Variants in RADIL observed in about 807,000 individuals in gnomAD.
RADIL encodes the protein Rap associating with DIL domain, also known as ras-associating and dilute domain-containing protein.
Under a neutral mutation model 97.6 loss-of-function variants are expected in RADIL, and 99 were observed. The ratio of observed to expected loss-of-function variants is 1.01; its 90% confidence interval spans 0.86 to 1.20. The LOEUF (loss-of-function observed/expected upper bound fraction) is 1.20. Ranked by LOEUF, RADIL falls within the 50% of genes most tolerant of loss-of-function variation. The pLI is 0.00. For missense variants in RADIL, 1,765 were observed against 1,498.9 expected (o/e 1.18, Z -2.93); for synonymous variants, 803 against 691.8 (o/e 1.16, Z -2.52).
At chr7:4,802,668 G>A (rs1455250925) in intron 11 of RADIL, among the ~76,000 whole-genome samples, 78 of 105,424 alleles carry the variant, frequency 7.4e-4, no homozygotes, top group African/African-American at 2.9e-3. Context: ...TGGCTGGGGG[G>A]CCCCCTCCCC....
chr7:4,865,381 C>A, intron 2 of RADIL: 4 of 592,172 alleles, frequency 6.8e-6, no homozygotes, highest in Non-Finnish European at 3.1e-6. Context: ...TGTTGTTGTT[C>A]CCAAGTTTTA....
chr7:4,831,052 G>A (rs956431388), intron 5 of RADIL, among the ~76,000 whole-genome samples: 4 of 151,478 alleles, frequency 2.6e-5, no homozygotes, highest in Non-Finnish European at 4.4e-5. Context: ...TCAGCTGGGC[G>A]TGGTGGTGCA....
intron 2 of RADIL, among the ~76,000 whole-genome samples, chr7:4,847,737 T>G (rs1367223457): frequency 7.0e-5 from 1 of 14,202 alleles, no homozygotes; most frequent in African/African-American, 4.1e-4. Flanking sequence ...AAAAGCTAGA[T>G]GCAAAAAAAA....
chr7:4,877,889 G>A lies in RADIL; in HGVS notation c.251C>T (p.Thr84Ile). The change falls in exon 2 of 15, where the codon ACC becomes ATC. Residue 84 changes from threonine to isoleucine, a missense_variant. Coordinates refer to ENST00000399583, the MANE Select transcript of RADIL (RefSeq NM_018059.5). ...CAGCTCACGGGCGCTGGAGGTGCCG[G>A]TGGCCAGGACGCTCTTGTAGTGGGT... ...TGTHYKSVLA[T>I]GTSSARELVK... 6.2e-7 allele frequency: 1 copy of A among 1,605,472 alleles called. No homozygotes were observed. Among genetic ancestry groups the A allele is most frequent in the Non-Finnish European group, 8.5e-7 (1 of 1,179,970 alleles).
At position 4,823,566 on chromosome 7, in the gene RADIL, G is replaced by C. The variant is rs532404917; in HGVS notation, c.1455-1012C>G. On this transcript the variant is annotated intron_variant, in intron 5 of 14. Coordinates refer to ENST00000399583, the MANE Select transcript of RADIL (RefSeq NM_018059.5). ...GCCAGCCCAATGCAGGTAGGGGTTG[G>C]GGGGGCGCCCTTCCCTCCCAGGCCT... is the stretch of plus-strand genomic sequence containing the variant. Among the ~76,000 whole-genome samples the C allele has an allele frequency of 3.9e-3, 594 of 152,204 alleles. 4 individuals carry two copies. Among genetic ancestry groups the C allele is most frequent in the African/African-American group, 8.0e-3 (333 of 41,560 alleles).
chr7:4,870,871 G>A (rs1180990144), intron 2 of RADIL, among the ~76,000 whole-genome samples: 1 of 152,222 alleles, frequency 6.6e-6, no homozygotes, highest in Non-Finnish European at 1.5e-5. Context: ...CAGGGCAGGA[G>A]GGGGTGCTGC....
At chr7:4,855,659 C>G (rs951489628) in intron 2 of RADIL, among the ~76,000 whole-genome samples, 2 of 140,340 alleles carry the variant, frequency 1.4e-5, no homozygotes, top group Non-Finnish European at 3.1e-5. Flanking sequence ...AAATGCCTCT[C>G]TGGTCTCATA....
rs3816852 is a variant in RADIL at position 4,822,628 on chromosome 7, A to G, written c.1455-74T>C. 0.23 allele frequency: 343,790 copies of G among 1,511,588 alleles called. 47,281 individuals carry two copies. Among genetic ancestry groups the G allele is most frequent in the African/African-American group, 0.63 (45,256 of 72,226 alleles). The allele number at this position is 1,511,588 out of a possible 1,614,324, so 93.6% of individuals were successfully genotyped here. A position where few individuals can be genotyped will look rare whatever the true frequency, so the allele number is the denominator to read the frequency against. The stretch of plus-strand genomic sequence containing the variant: ...AGGCTGAATCTACCACTCTTTCTAC[A>G]TAAGGATGCGCGTTTTCATGGGACG... On this transcript the variant is annotated intron_variant, in intron 5 of 14. Transcript: ENST00000399583. The surrounding 1 kb of genome is among the most constrained non-coding windows in gnomAD (Gnocchi z 5.3).
At chr7:4,851,838 T>C (rs1411569237) in intron 2 of RADIL, among the ~76,000 whole-genome samples, 1 of 152,202 alleles carries the variant, frequency 6.6e-6, no homozygotes, top group Non-Finnish European at 1.5e-5. Context: ...AAATGGCTTC[T>C]GATGAGAGGC....
At chr7:4,800,098 C>CCAGGCTTGCATGAACAGGCGG in intron 13 of RADIL, 73 bp downstream of exon 13, 23 of 1,518,428 alleles carry the variant, frequency 1.5e-5, no homozygotes, top group Non-Finnish European at 1.9e-5. Flanking sequence ...ACGCAAGCTG[C>CCAGGCTTGCATGAACAGGCGG]GGCCAGGCTT....
Position 4,835,024 on chromosome 7 carries a change from C to T in RADIL, c.999G>A (p.Gly333=), listed in dbSNP as rs759877525. 23 of 1,610,966 alleles carry T rather than the reference C, an allele frequency of 1.4e-5. No individual in the cohort carries two copies. Among genetic ancestry groups the T allele is most frequent in the Non-Finnish European group, 1.8e-5 (21 of 1,179,124 alleles). ...AHISVNFSEV[G]HRTVVLHHGD... is the part of the protein sequence containing the mutation. ...CGTGGTGCAGCACCACGGTCCTGTG[C>T]CCCACCTCGGAGAAGTTGACGGAGA... is the stretch of plus-strand genomic sequence containing the variant. Residue 333 remains glycine, a synonymous_variant, in exon 4 of 15, where the codon GGG becomes GGA. Transcript: ENST00000399583. This position sits in a 1 kb window ranked among gnomAD's most constrained non-coding sequence, Gnocchi z 5.8.
rs558103433 is a variant in RADIL at position 4,832,185 on chromosome 7, T to A, written c.1417-7A>T. 27 of 1,610,818 alleles carry A rather than the reference T, an allele frequency of 1.7e-5. No homozygotes were observed. The South Asian group carries it at 2.2e-4, about 13-fold the overall frequency. ...CTAGTTCTTTGGTTTTCTCCTACAA[T>A]TACAAAGCGGGAGAAAAAGCAAGTG... On this transcript the variant is annotated splice_polypyrimidine_tract_variant and splice_region_variant and intron_variant, in intron 4 of 14. Coordinates refer to ENST00000399583, the MANE Select transcript of RADIL (RefSeq NM_018059.5).
At chr7:4,820,991 G>A (rs978505234) in intron 6 of RADIL, among the ~76,000 whole-genome samples, 2 of 152,174 alleles carry the variant, frequency 1.3e-5, no homozygotes, top group Non-Finnish European at 2.9e-5. Flanking sequence ...CTGGCCTTGT[G>A]TCCTCCGGGC....
chr7:4,822,882 T>C lies in RADIL; in HGVS notation c.1455-328A>G, dbSNP rs1366805691. ...AAAGTGGCTGTGAATGCTGAGAGAA[T>C]GTGTGCCAATATGTGTGTGTGTGCG... On this transcript the variant is annotated intron_variant, in intron 5 of 14. Transcript: ENST00000399583. This position sits in a 1 kb window ranked among gnomAD's most constrained non-coding sequence, Gnocchi z 5.3. Among the ~76,000 whole-genome samples, 1 of 151,980 alleles carries C rather than the reference T, an allele frequency of 6.6e-6. No homozygotes were observed.
At position 4,879,240 on chromosome 7, in the gene RADIL, G is replaced by A. The variant is rs1784435553; in HGVS notation, c.-64-1037C>T. ...ACGGGAAAACAGCCTGGGACGCGTT[G>A]GCGTGTCATACAATCACACTTCTAA... On this transcript the variant is annotated intron_variant, in intron 1 of 14. Coordinates refer to ENST00000399583, the MANE Select transcript of RADIL (RefSeq NM_018059.5). This position sits in a 1 kb window ranked among gnomAD's most constrained non-coding sequence, Gnocchi z 4.1. 6.6e-6 allele frequency among the ~76,000 whole-genome samples: 1 copy of A among 152,218 alleles called. No individual in the cohort carries two copies. Among genetic ancestry groups the A allele is most frequent in the African/African-American group, 2.4e-5 (1 of 41,468 alleles).
Position 4,822,237 on chromosome 7 carries a change from G to A in RADIL, c.1615+157C>T, listed in dbSNP as rs893790175. Among the ~76,000 whole-genome samples, 6 of 152,216 alleles carry A rather than the reference G, an allele frequency of 3.9e-5. No homozygotes were observed. The highest frequency in any genetic ancestry group is 1.2e-4 in the African/African-American group (5 of 41,466). On this transcript the variant is annotated intron_variant, in intron 6 of 14. Coordinates refer to ENST00000399583, the MANE Select transcript of RADIL (RefSeq NM_018059.5). The surrounding 1 kb of genome is among the most constrained non-coding windows in gnomAD (Gnocchi z 5.3). ...AGCACCAGCCTCACAGGCCGTCCCCGAGCAACTGACACATGGCAGCCTAGG... is the reference window on the plus strand; with the variant it reads ...AGCACCAGCCTCACAGGCCGTCCCCAAGCAACTGACACATGGCAGCCTAGG...
At position 4,799,300 on chromosome 7, in the gene RADIL, G is replaced by A. The variant is rs1781995647; in HGVS notation, c.*78C>T. 5 of 1,442,134 alleles carry A rather than the reference G, an allele frequency of 3.5e-6. No homozygotes were observed. Among genetic ancestry groups the A allele is most frequent in the Non-Finnish European group, 4.8e-6 (5 of 1,035,242 alleles). 89.3% of individuals were successfully genotyped at this position (1,442,134 alleles called of 1,614,324 possible). Reference sequence around the variant, plus strand: ...ACCCAACTTGGTCAGTTACAAAACAGGGACGAAGGCGGGAGGAAGCCCAGT... The same window carrying A: ...ACCCAACTTGGTCAGTTACAAAACAAGGACGAAGGCGGGAGGAAGCCCAGT... On this transcript the variant is annotated 3_prime_UTR_variant, in exon 15 of 15. Coordinates refer to ENST00000399583, the MANE Select transcript of RADIL (RefSeq NM_018059.5).
intron 2 of RADIL, among the ~76,000 whole-genome samples, chr7:4,863,781 A>AG (rs1387834488): frequency 6.6e-6 from 1 of 152,112 alleles, no homozygotes; most frequent in Non-Finnish European, 1.5e-5. Context: ...TTGTATTTGG[A>AG]GGGGTCTCAA....
chr7:4,803,594 G>T lies in RADIL; in HGVS notation c.2451C>A (p.Gly817=), dbSNP rs984887570. 9.1e-6 allele frequency: 14 copies of T among 1,546,798 alleles called. No individual in the cohort carries two copies. Among genetic ancestry groups the T allele is most frequent in the Non-Finnish European group, 8.7e-6 (10 of 1,145,614 alleles). ...LWGLRSRASP[G]SPGRPGSGAS... ...CCCCACTGCCAGGCCTGCCAGGGCT[G>T]CCGGGGCTGGCTCTGCTCCGCAGAC... Residue 817 remains glycine (G), a synonymous_variant, in exon 11 of 15, where the codon GGC becomes GGA. Transcript: ENST00000399583.
Sources: gnomAD v4.1 joint callset for allele counts (sites outside exome capture counted in the v4.1 genomes callset) on GRCh38, gnomAD v4.1.1 for gene constraint, Gnocchi (gnomAD v3.1) non-coding constraint, MANE v1.5 for transcripts, NCBI Gene and HGNC (gene_info 2026-07-23, HGNC 2026-07-21) for gene names.